Variants in ATXN2 observed in about 807,000 individuals in gnomAD.
ATXN2 encodes the protein ataxin 2.
Under a neutral mutation model 138.6 loss-of-function variants are expected in ATXN2, and 37 were observed. The observed-to-expected ratio is 0.27, with a 90% CI of 0.21 to 0.35. The LOEUF (loss-of-function observed/expected upper bound fraction) is 0.35. ATXN2 is among the 10% of genes least tolerant of loss of function. ATXN2 has a pLI of 1.00. For synonymous variants in ATXN2, 549 were observed against 543.7 expected, an observed-to-expected ratio of 1.01 and a Z score of -0.13; for missense variants, 1,216 against 1,480.3, an observed-to-expected ratio of 0.82 and a Z score of 2.93.
intron 14 of ATXN2, among the ~76,000 whole-genome samples, chr12:111,495,497 G>T (rs1488786212): frequency 6.6e-6 from 1 of 152,080 alleles, no homozygotes; most frequent in East Asian, 1.9e-4. Context: ...AACAGACAAA[G>T]AAGATTATTG....
chr12:111,458,504 G>A (rs1379325239), intron 21 of ATXN2: 6 of 152,184 alleles, frequency 3.9e-5, no homozygotes, highest in African/African-American at 1.4e-4. Context: ...AGTGACTATG[G>A]ACAGCACACC....
intron 14 of ATXN2, among the ~76,000 whole-genome samples, chr12:111,490,011 T>C (rs1326882812): frequency 6.6e-6 from 1 of 151,452 alleles, no homozygotes; most frequent in Non-Finnish European, 1.5e-5. Flanking sequence ...AAGACCAGAC[T>C]GGCCAACATG....
At chr12:111,569,207 G>A (rs1423952365) in intron 1 of ATXN2, among the ~76,000 whole-genome samples, 1 of 152,050 alleles carries the variant, frequency 6.6e-6, no homozygotes, top group East Asian at 1.9e-4. Flanking sequence ...CCTTAATCCT[G>A]TGACTTCAGC....
chr12:111,545,817 TAGTC>T (rs745800568), intron 5 of ATXN2, among the ~76,000 whole-genome samples: 14 of 151,862 alleles, frequency 9.2e-5, no homozygotes, highest in Non-Finnish European at 1.0e-4. Context: ...TATAAAAAAT[TAGTC>T]AGGCATAGTG....
chr12:111,540,558 C>G (rs1881442101), intron 5 of ATXN2, among the ~76,000 whole-genome samples: 2 of 150,504 alleles, frequency 1.3e-5, no homozygotes, highest in African/African-American at 4.8e-5. Flanking sequence ...TAAAAATAAA[C>G]TGCATTTCTT....
chr12:111,560,169 A>G (rs1882603316), intron 1 of ATXN2, among the ~76,000 whole-genome samples: 2 of 152,318 alleles, frequency 1.3e-5, no homozygotes, highest in Admixed American at 1.3e-4. Flanking sequence ...CAGGCCCTCC[A>G]TATCTGCAGA....
At chr12:111,574,294 C>A (rs1465715035) in intron 1 of ATXN2, among the ~76,000 whole-genome samples, 5 of 101,424 alleles carry the variant, frequency 4.9e-5, no homozygotes, top group Admixed American at 1.6e-4. Context: ...GGCGACAGAG[C>A]AAGACTCTGT....
chr12:111,498,409 G>C (rs1353458829), intron 14 of ATXN2, among the ~76,000 whole-genome samples: 1 of 152,080 alleles, frequency 6.6e-6, no homozygotes, highest in Non-Finnish European at 1.5e-5. Context: ...CAAAAATCAG[G>C]AGCATTTTTA....
Position 111,595,367 on chromosome 12 carries a change from C to T in ATXN2, c.251+3417G>A, listed in dbSNP as rs968251240. ...GTTAAGTAAAAACCTTACAGCCGGG[C>T]GCAGTGGCTCACGCCTGCAATCCCA... On this transcript the variant is annotated intron_variant, in intron 1 of 24. Transcript: ENST00000673436. Among the ~76,000 whole-genome samples the T allele has an allele frequency of 3.3e-5, 5 of 152,210 alleles. No homozygotes were observed. The South Asian group carries it at 6.2e-4, about 19-fold the overall frequency.
At chr12:111,484,480 T>A (rs1008177897) in intron 18 of ATXN2, among the ~76,000 whole-genome samples, 27 of 152,178 alleles carry the variant, frequency 1.8e-4, no homozygotes, top group Admixed American at 1.8e-3. Context: ...TTGCCCAGGC[T>A]GAAGTGCAGT....
intron 5 of ATXN2, among the ~76,000 whole-genome samples, chr12:111,535,350 C>T (rs943996551): frequency 3.9e-5 from 6 of 152,254 alleles, no homozygotes; most frequent in African/African-American, 1.2e-4. Flanking sequence ...CACAGGGGGC[C>T]GCGGTGGCTC....
chr12:111,519,834 T>G, intron 8 of ATXN2, 45 bp downstream of exon 8: 1 of 1,613,642 alleles, frequency 6.2e-7, no homozygotes, highest in Non-Finnish European at 8.5e-7. Context: ...ACACAGACCT[T>G]GAGTTGTGTA....
chr12:111,557,542 T>C (rs1882456447), intron 1 of ATXN2, among the ~76,000 whole-genome samples: 1 of 152,196 alleles, frequency 6.6e-6, no homozygotes, highest in Non-Finnish European at 1.5e-5. Context: ...GTACTTCACA[T>C]GCAACATGTC....
chr12:111,594,163 A>G (rs1884815734), intron 1 of ATXN2, among the ~76,000 whole-genome samples: 2 of 152,164 alleles, frequency 1.3e-5, no homozygotes, highest in African/African-American at 4.8e-5. Flanking sequence ...CAAAAGGACA[A>G]TATGTTTGCT....
intron 1 of ATXN2, chr12:111,597,951 G>A (rs1283265149): frequency 8.0e-7 from 1 of 1,245,348 alleles, no homozygotes; most frequent in East Asian, 5.7e-5. Context: ...CTGCGGCCTC[G>A]AACAGCAATG....
chr12:111,493,697 C>T (rs1370686710), intron 14 of ATXN2, among the ~76,000 whole-genome samples: 4 of 151,602 alleles, frequency 2.6e-5, no homozygotes, highest in Admixed American at 6.6e-5. Flanking sequence ...GGCGCGATCT[C>T]GGCTAACTGC....
chr12:111,494,819 A>C (rs1317644116), intron 14 of ATXN2, among the ~76,000 whole-genome samples: 1 of 152,184 alleles, frequency 6.6e-6, no homozygotes, highest in Admixed American at 6.5e-5. Context: ...TCACTTTCAA[A>C]ACAAGGAAGG....
At chr12:111,565,176 C>T (rs1039517742) in intron 1 of ATXN2, among the ~76,000 whole-genome samples, 10 of 151,132 alleles carry the variant, frequency 6.6e-5, no homozygotes, top group Non-Finnish European at 1.5e-4. Context: ...AAAAAAAAAA[C>T]GTATTTTACT....
rs187090584 is a variant in ATXN2, at chr12:111,503,651, G to A, written c.1935+5898C>T. ...GATTCTCGCTCTGTCGCCCACTGAT[G>A]CAATCTCGGATCACTGCAACCTCCA... On this transcript the variant is annotated intron_variant, in intron 14 of 24. Coordinates refer to ENST00000673436, the MANE Select transcript of ATXN2 (RefSeq NM_001372574.1). Among the ~76,000 whole-genome samples the A allele has an allele frequency of 1.0e-3, 157 of 149,936 alleles. 2 individuals carry two copies. The highest frequency in any genetic ancestry group is 3.4e-3 in the Middle Eastern group (1 of 294).
Sources: allele counts gnomAD v4.1 joint callset (sites outside exome capture counted in the v4.1 genomes callset), GRCh38; gene constraint gnomAD v4.1.1; transcripts MANE v1.5; gene names NCBI Gene and HGNC (gene_info 2026-07-23, HGNC 2026-07-21).